LMX1B: variants seen among roughly 807,000 people sequenced by gnomAD.
The protein encoded by LMX1B is LIM homeobox transcription factor 1-beta.
Under a neutral mutation model 51.4 loss-of-function variants are expected in LMX1B, and 12 were observed. The ratio of observed to expected loss-of-function variants is 0.23; its 90% CI spans 0.15 to 0.38. The LOEUF (loss-of-function observed/expected upper bound fraction) is 0.38. LMX1B is among the 10% of genes least tolerant of loss of function. The probability of loss-of-function intolerance (pLI) is 1.00; values close to 1 mark genes in which losing one functional copy is unlikely to be tolerated. For missense variants in LMX1B, 445 were observed against 571.1 expected (o/e 0.78, Z 2.25); for synonymous variants, 237 against 235.4 (o/e 1.01, Z -0.06).
chr9:126,620,128 AACAGGTTCTCTACCCAGGTTCCATGGT>A (rs1276005542), intron 2 of LMX1B, among the ~76,000 whole-genome samples: 2 of 152,182 alleles, frequency 1.3e-5, no homozygotes, highest in African/African-American at 4.8e-5. Flanking sequence ...CCACACTGCC[AACAGGTTCTCTACCCAGGTTCCATGGT>A]ACACAGGGTT....
chr9:126,687,083 A>G (rs1268997726), intron 2 of LMX1B, among the ~76,000 whole-genome samples: 3 of 152,212 alleles, frequency 2.0e-5, no homozygotes, highest in South Asian at 2.1e-4. Flanking sequence ...GTGAGCAACA[A>G]AGGCGTTTTG....
intron 2 of LMX1B, among the ~76,000 whole-genome samples, chr9:126,619,136 A>G (rs764411832): frequency 1.3e-5 from 2 of 152,220 alleles, no homozygotes; most frequent in Non-Finnish European, 1.5e-5. Flanking sequence ...TGAGTTTCAC[A>G]GAAAGCCCTC....
Position 126,696,016 on chromosome 9 carries a change from A to ACGGGGGGGGC in LMX1B, c.1051+14_1051+15insGGGGGGGGCC. ...ATGAACCCCTATGGTAAGCCGCCCT[A>ACGGGGGGGGC]CCCCCACCCGCCCGCCCCAGCACAG... On this transcript the variant is annotated intron_variant, in intron 7 of 7. Coordinates refer to ENST00000373474, the MANE Select transcript of LMX1B (RefSeq NM_001174147.2). 1.3e-6 allele frequency: 2 copies of ACGGGGGGGGC among 1,512,688 alleles called. No individual in the cohort carries two copies. Among genetic ancestry groups the ACGGGGGGGGC allele is most frequent in the Non-Finnish European group, 1.8e-6 (2 of 1,131,784 alleles). 93.7% of individuals were successfully genotyped at this position (1,512,688 alleles called of 1,614,324 possible). A position where few individuals can be genotyped will look rare whatever the true frequency, so the allele number is the denominator to read the frequency against.
chr9:126,637,822 T>TCCCCCCCC (rs56108871), intron 2 of LMX1B, among the ~76,000 whole-genome samples: 3 of 91,996 alleles, frequency 3.3e-5, no homozygotes, highest in African/African-American at 8.9e-5. Flanking sequence ...GTGCCTGTCC[T>TCCCCCCCC]CCCCCCCCCC....
At chr9:126,681,876 G>T (rs1836680139) in intron 2 of LMX1B, among the ~76,000 whole-genome samples, 1 of 151,358 alleles carries the variant, frequency 6.6e-6, no homozygotes, top group Non-Finnish European at 1.5e-5. Context: ...ACTCCAGCCT[G>T]GGCGACAGAG....
chr9:126,693,364 C>T, intron 4 of LMX1B, 41 bp downstream of exon 4: 1 of 1,572,510 alleles, frequency 6.4e-7, no homozygotes, highest in African/African-American at 1.4e-5. Flanking sequence ...CTGATGCCCG[C>T]ACACCCACTG....
chr9:126,680,795 C>T (rs1029410254), intron 2 of LMX1B, among the ~76,000 whole-genome samples: 1 of 152,168 alleles, frequency 6.6e-6, no homozygotes, highest in Non-Finnish European at 1.5e-5. Flanking sequence ...ACTCAAAGGT[C>T]ATGAAATAGT....
intron 2 of LMX1B, among the ~76,000 whole-genome samples, chr9:126,680,350 T>A (rs1395471429): frequency 6.6e-6 from 1 of 152,130 alleles, no homozygotes; most frequent in Non-Finnish European, 1.5e-5. Context: ...AAACCCCAGC[T>A]CAGACACTAA....
At chr9:126,642,240 C>T (rs374820550) in intron 2 of LMX1B, among the ~76,000 whole-genome samples, 2 of 152,270 alleles carry the variant, frequency 1.3e-5, no homozygotes, top group Admixed American at 6.5e-5. Flanking sequence ...GCTGGCTGAG[C>T]GGACCTGTGA....
intron 2 of LMX1B, among the ~76,000 whole-genome samples, chr9:126,681,608 A>G (rs1836673441): frequency 6.6e-6 from 1 of 152,120 alleles, no homozygotes. Context: ...CCTGGTTAAA[A>G]TGCCAATCAG....
intron 2 of LMX1B, among the ~76,000 whole-genome samples, chr9:126,662,002 T>G (rs150666645): frequency 0.019 from 2,854 of 152,240 alleles, 45 homozygotes; most frequent in Admixed American, 0.028. Flanking sequence ...CTTTCTCCCA[T>G]GCTAGGCCCA....
At chr9:126,651,633 C>A (rs1370788478) in intron 2 of LMX1B, among the ~76,000 whole-genome samples, 1 of 152,172 alleles carries the variant, frequency 6.6e-6, no homozygotes, top group African/African-American at 2.4e-5. Context: ...CCTGACCCCT[C>A]TCCCCTGGGC....
intron 2 of LMX1B, among the ~76,000 whole-genome samples, chr9:126,651,582 C>T (rs1836009434): frequency 6.6e-6 from 1 of 152,158 alleles, no homozygotes; most frequent in Non-Finnish European, 1.5e-5. Context: ...TACGCCTTAG[C>T]CCCAGGCAGG....
rs1158176648 is a variant in LMX1B at position 126,693,550 on chromosome 9, G to A, written c.768G>A (p.Thr256=). 12 of 1,613,990 alleles carry A rather than the reference G, an allele frequency of 7.4e-6. No individual in the cohort carries two copies. Among genetic ancestry groups the A allele is most frequent in the East Asian group, 2.2e-5 (1 of 44,890 alleles). The change falls in exon 5 of 8, where the codon ACG becomes ACA. Residue 256 remains threonine (T), a synonymous_variant. Coordinates refer to ENST00000373474, the MANE Select transcript of LMX1B (RefSeq NM_001174147.2). ...TCCGAGAGACACTGGCAGCTGAGAC[G>A]GGCCTCAGTGTGCGCGTGGTCCAGG... ...RKVRETLAAE[T]GLSVRVVQVW...
rs1004819859 is a variant in LMX1B at position 126,695,868 on chromosome 9, A to G, written c.916A>G (p.Met306Val). 2 of 1,612,860 alleles carry G rather than the reference A, an allele frequency of 1.2e-6. No individual in the cohort carries two copies. Among genetic ancestry groups the G allele is most frequent in the Non-Finnish European group, 1.7e-6 (2 of 1,179,652 alleles). ...CCTGTCCAGCCGCATGGAGGGCATG[A>G]TGGCTTCCTACACGCCGCTGGCCCC... ...EVLSSRMEGMMASYTPLAPPQ... is the reference protein window; with the variant it reads ...EVLSSRMEGMVASYTPLAPPQ... Residue 306 changes from methionine (M) to valine (V), a missense_variant, in exon 7 of 8, where the codon ATG (methionine) becomes GTG (valine). Physicochemically the swap from Met to Val is conservative, Grantham distance 21. Transcript: ENST00000373474. The surrounding 1 kb of genome is among the most constrained non-coding windows in gnomAD (Gnocchi z 5.2).
intron 2 of LMX1B, among the ~76,000 whole-genome samples, chr9:126,654,456 T>C (rs1399298731): frequency 6.6e-6 from 1 of 152,232 alleles, no homozygotes; most frequent in Non-Finnish European, 1.5e-5. Flanking sequence ...AACGGGCACC[T>C]GAATCTAGTT....
intron 2 of LMX1B, among the ~76,000 whole-genome samples, chr9:126,653,651 T>C (rs1449072433): frequency 1.3e-5 from 2 of 152,190 alleles, no homozygotes; most frequent in Non-Finnish European, 2.9e-5. Context: ...CGTTTGTGCA[T>C]GGAGCTCTGT....
At chr9:126,690,408 C>G (rs2030077482) in intron 2 of LMX1B, among the ~76,000 whole-genome samples, 1 of 152,126 alleles carries the variant, frequency 6.6e-6, no homozygotes, top group Non-Finnish European at 1.5e-5. Flanking sequence ...GTGGGTTGGG[C>G]AGGGCTGGGA....
chr9:126,666,099 G>T (rs78756999), intron 2 of LMX1B, among the ~76,000 whole-genome samples: 1 of 152,226 alleles, frequency 6.6e-6, no homozygotes, highest in Non-Finnish European at 1.5e-5. Flanking sequence ...TTCTATGGCC[G>T]GCCTATTTTA....
Sources: gnomAD v4.1 joint callset for allele counts (sites outside exome capture counted in the v4.1 genomes callset) on GRCh38, gnomAD v4.1.1 for gene constraint, Gnocchi (gnomAD v3.1) non-coding constraint, MANE v1.5 for transcripts, NCBI Gene and HGNC (gene_info 2026-07-23, HGNC 2026-07-21) for gene names.